ZNF704: variants seen among roughly 807,000 people sequenced by gnomAD.
ZNF704 encodes glucocorticoid induced gene 1.
In ZNF704, 10 loss-of-function variants were observed where a neutral mutation model predicts 44.7. That is an observed-to-expected ratio of 0.22 (90% confidence interval 0.14 to 0.38). The LOEUF is 0.38. ZNF704 is among the 10% of genes least tolerant of loss of function. The pLI, the probability that ZNF704 is intolerant of heterozygous loss-of-function variation, is 1.00. For missense variants in ZNF704, 390 were observed against 545.5 expected (o/e 0.71, Z 2.84); for synonymous variants, 211 against 207.6 (o/e 1.02, Z -0.14).
At chr8:80,669,078 C>A (rs1229216488) in intron 5 of ZNF704, among the ~76,000 whole-genome samples, 1 of 152,190 alleles carries the variant, frequency 6.6e-6, no homozygotes, top group African/African-American at 2.4e-5. Context: ...CAGGAACTCA[C>A]AGGACTAACA....
intron 2 of ZNF704, among the ~76,000 whole-genome samples, chr8:80,719,541 C>T (rs1279127467): frequency 6.6e-6 from 1 of 152,140 alleles, no homozygotes; most frequent in Non-Finnish European, 1.5e-5. Context: ...TATCACAAAG[C>T]TTTAAGGAGC....
chr8:80,675,435 AG>A (rs1393951775), intron 4 of ZNF704, among the ~76,000 whole-genome samples: 1 of 152,110 alleles, frequency 6.6e-6, no homozygotes, highest in African/African-American at 2.4e-5. Flanking sequence ...AAGTTACTGA[AG>A]GAAGAGAGTG....
At chr8:80,688,958 CAAA>C (rs57878370) in intron 3 of ZNF704, among the ~76,000 whole-genome samples, 937 of 71,366 alleles carry the variant, frequency 0.013, 9 homozygotes, top group African/African-American at 0.033. Flanking sequence ...GACTCTGTCT[CAAA>C]AAAAAAAAAA....
intron 2 of ZNF704, among the ~76,000 whole-genome samples, chr8:80,804,452 A>G (rs191364812): frequency 7.5e-4 from 114 of 152,288 alleles, no homozygotes; most frequent in Non-Finnish European, 1.5e-3. Flanking sequence ...AGACTGAATA[A>G]AGAAAATGTG....
intron 2 of ZNF704, among the ~76,000 whole-genome samples, chr8:80,805,074 A>G (rs1364742657): frequency 6.6e-6 from 1 of 152,164 alleles, no homozygotes; most frequent in Non-Finnish European, 1.5e-5. Flanking sequence ...TCAAACTGTA[A>G]AAATTAAATA....
At chr8:80,799,975 C>G (rs1807871918) in intron 2 of ZNF704, among the ~76,000 whole-genome samples, 1 of 152,000 alleles carries the variant, frequency 6.6e-6, no homozygotes, top group South Asian at 2.1e-4. Context: ...AGGAACATAA[C>G]CAGTCTGATG....
At chr8:80,739,169 G>A (rs570535589) in intron 2 of ZNF704, among the ~76,000 whole-genome samples, 3 of 152,234 alleles carry the variant, frequency 2.0e-5, no homozygotes, top group African/African-American at 7.2e-5. Flanking sequence ...TCATATTTCT[G>A]GGTCATACAT....
chr8:80,742,134 G>C (rs1302721792), intron 2 of ZNF704, among the ~76,000 whole-genome samples: 1 of 152,078 alleles, frequency 6.6e-6, no homozygotes, highest in Non-Finnish European at 1.5e-5. Flanking sequence ...ACACTGCCGG[G>C]GTCATCAGAA....
chr8:80,650,411 A>C (rs556455843), intron 7 of ZNF704, among the ~76,000 whole-genome samples: 37 of 152,260 alleles, frequency 2.4e-4, no homozygotes, highest in African/African-American at 8.4e-4. Flanking sequence ...GAAGTTAAAA[A>C]CATTGAAAAA....
intron 2 of ZNF704, among the ~76,000 whole-genome samples, chr8:80,736,935 GT>G (rs953605284): frequency 8.5e-5 from 12 of 141,280 alleles, no homozygotes; most frequent in East Asian, 2.0e-4. Flanking sequence ...GGGCCCTGGT[GT>G]TTTTTTTTTT....
chr8:80,701,256 C>G lies in ZNF704; in HGVS notation c.222-8149G>C, dbSNP rs550892124. On this transcript the variant is annotated intron_variant, in intron 2 of 8. Transcript: ENST00000327835. Reference sequence around the variant, plus strand: ...CGGCACGCATCCTACCTGCACTTGGCCTCAGCAGGCCCTTCACCCGCCCTC... The same window carrying G: ...CGGCACGCATCCTACCTGCACTTGGGCTCAGCAGGCCCTTCACCCGCCCTC... 6.6e-5 allele frequency among the ~76,000 whole-genome samples: 10 copies of G among 152,178 alleles called. No homozygotes were observed. In the East Asian group the frequency reaches 1.4e-3, roughly 21 times the overall value.
chr8:80,860,305 T>C (rs1809037602), intron 1 of ZNF704, among the ~76,000 whole-genome samples: 1 of 152,176 alleles, frequency 6.6e-6, no homozygotes, highest in African/African-American at 2.4e-5. Context: ...GACCGCTGTG[T>C]CTGTGTTGAA....
intron 1 of ZNF704, among the ~76,000 whole-genome samples, chr8:80,833,073 C>T (rs1427434422): frequency 2.0e-5 from 3 of 152,112 alleles, no homozygotes; most frequent in African/African-American, 7.2e-5. Flanking sequence ...GCTGGCCAGG[C>T]GCGGTGGCTC....
chr8:80,857,521 C>A (rs1808983191), intron 1 of ZNF704, among the ~76,000 whole-genome samples: 1 of 152,106 alleles, frequency 6.6e-6, no homozygotes, highest in East Asian at 1.9e-4. Flanking sequence ...TCTACTAATA[C>A]AGTGAATTAC....
chr8:80,638,253 T>C lies in ZNF704; in HGVS notation c.*3113A>G, dbSNP rs1817690757. Reference sequence around the variant, plus strand: ...TGTCAGTCACTATGAAATGACTTCTTTGGAGAGAGATGAAAAACCTTTTCT... The same window carrying C: ...TGTCAGTCACTATGAAATGACTTCTCTGGAGAGAGATGAAAAACCTTTTCT... On this transcript the variant is annotated 3_prime_UTR_variant, in exon 9 of 9. Coordinates refer to ENST00000327835, the MANE Select transcript of ZNF704 (RefSeq NM_001033723.3). 6.6e-6 allele frequency: 1 copy of C among 152,178 alleles called. No homozygotes were observed. The highest frequency in any genetic ancestry group is 1.9e-4 in the East Asian group (1 of 5,188). The allele number at this position is 152,178 out of a possible 1,614,324, so 9.4% of individuals were successfully genotyped here.
At chr8:80,754,113 GC>G in intron 2 of ZNF704, among the ~76,000 whole-genome samples, 2 of 152,200 alleles carry the variant, frequency 1.3e-5, no homozygotes, top group African/African-American at 4.8e-5. Context: ...AACCTAAAGG[GC>G]CTTTCCTGAC....
rs138770091 is a variant in ZNF704, at chr8:80,847,442, C to T, written c.-21-25827G>A. Among the ~76,000 whole-genome samples the T allele has an allele frequency of 3.4e-4, 52 of 152,218 alleles. No individual in the cohort carries two copies. The East Asian group carries it at 8.7e-3, about 25-fold the overall frequency. The stretch of plus-strand genomic sequence containing the variant: ...TTGGATGTAATTTCTATCAAAATTC[C>T]AGCAATATTTTTGTAGACACAGACA... On this transcript the variant is annotated intron_variant, in intron 1 of 8. Transcript: ENST00000327835.
intron 2 of ZNF704, among the ~76,000 whole-genome samples, chr8:80,813,041 C>T (rs572280962): frequency 1.3e-5 from 2 of 152,166 alleles, no homozygotes; most frequent in Admixed American, 1.3e-4. Context: ...ACCTACGGCA[C>T]GGGCATCACA....
chr8:80,773,558 T>C (rs536975750), intron 2 of ZNF704, among the ~76,000 whole-genome samples: 2 of 152,328 alleles, frequency 1.3e-5, no homozygotes, highest in East Asian at 1.9e-4. Context: ...CCATGCTCTT[T>C]CCTCTTTTCT....
Sources: allele counts gnomAD v4.1 joint callset (sites outside exome capture counted in the v4.1 genomes callset), GRCh38; gene constraint gnomAD v4.1.1; transcripts MANE v1.5; gene names NCBI Gene and HGNC (gene_info 2026-07-23, HGNC 2026-07-21).